PRKN: variants seen among roughly 807,000 people sequenced by gnomAD.
PRKN encodes the protein parkin RBR E3 ubiquitin protein ligase.
A neutral mutation model predicts 59.5 loss-of-function variants in PRKN; 56 were observed. The observed-to-expected ratio is 0.94, with a 90% confidence interval of 0.76 to 1.18. The LOEUF is 1.18. PRKN is among the 50% of genes most tolerant of loss of function. PRKN has a pLI of 0.00. For missense variants in PRKN, 657 were observed against 596.4 expected (o/e 1.10, Z -1.06); for synonymous variants, 250 against 222.1 (o/e 1.13, Z -1.12).
At chr6:162,265,965 G>A (rs1780112482) in intron 2 of PRKN, among the ~76,000 whole-genome samples, 1 of 152,166 alleles carries the variant, frequency 6.6e-6, no homozygotes, top group South Asian at 2.1e-4. Flanking sequence ...TCCATGATCA[G>A]CTCCGTGTCA....
chr6:162,668,495 G>A (rs976109515), intron 1 of PRKN, among the ~76,000 whole-genome samples: 1 of 151,740 alleles, frequency 6.6e-6, no homozygotes, highest in South Asian at 2.1e-4. Context: ...GCCAGAGACG[G>A]GGAAAAACTG....
At chr6:162,691,029 T>C (rs1257565411) in intron 1 of PRKN, among the ~76,000 whole-genome samples, 2 of 152,160 alleles carry the variant, frequency 1.3e-5, no homozygotes, top group Non-Finnish European at 2.9e-5. Flanking sequence ...AATGTTGCAA[T>C]TTTTTATCTG....
At chr6:161,733,796 A>ATG (rs1554298496) in intron 7 of PRKN, among the ~76,000 whole-genome samples, 1 of 77,186 alleles carries the variant, frequency 1.3e-5, no homozygotes, top group East Asian at 4.5e-4. Flanking sequence ...ATATATATAT[A>ATG]TGTATATATA....
intron 3 of PRKN, among the ~76,000 whole-genome samples, chr6:162,250,800 A>G (rs758365817): frequency 3.3e-5 from 5 of 152,222 alleles, no homozygotes; most frequent in Admixed American, 6.5e-5. Flanking sequence ...GAATTCTTAC[A>G]GGAAAAGCTA....
At chr6:161,426,637 T>C (rs561483495) in intron 9 of PRKN, among the ~76,000 whole-genome samples, 13 of 42,224 alleles carry the variant, frequency 3.1e-4, no homozygotes, top group African/African-American at 1.3e-3. Flanking sequence ...CTTAATAAAC[T>C]CCCCTTTACA....
chr6:162,261,231 C>T (rs967738165), intron 3 of PRKN, among the ~76,000 whole-genome samples: 2 of 152,112 alleles, frequency 1.3e-5, no homozygotes, highest in African/African-American at 2.4e-5. Context: ...ATGGAGACTT[C>T]CTTGGTAGAT....
At chr6:161,748,582 G>A (rs1024767734) in intron 7 of PRKN, among the ~76,000 whole-genome samples, 1 of 152,096 alleles carries the variant, frequency 6.6e-6, no homozygotes, top group Admixed American at 6.5e-5. Flanking sequence ...ATGGAAATGG[G>A]GTTCCTGGAA....
chr6:161,766,401 G>A (rs764307331), intron 7 of PRKN, among the ~76,000 whole-genome samples: 8 of 149,646 alleles, frequency 5.3e-5, no homozygotes, highest in Admixed American at 1.3e-4. Flanking sequence ...TCCACCTCCC[G>A]GGTTCAAGTA....
intron 2 of PRKN, among the ~76,000 whole-genome samples, chr6:162,360,420 T>C (rs1305103761): frequency 6.6e-6 from 1 of 152,160 alleles, no homozygotes; most frequent in East Asian, 1.9e-4. Context: ...CTAAACAAAT[T>C]AATGGATTTT....
intron 9 of PRKN, among the ~76,000 whole-genome samples, chr6:161,505,908 A>T (rs937805316): frequency 2.0e-5 from 3 of 151,280 alleles, no homozygotes; most frequent in Non-Finnish European, 4.4e-5. Flanking sequence ...TACCAGTACC[A>T]TGCTGTTTTG....
At chr6:162,473,773 C>CA (rs1254976753) in intron 1 of PRKN, among the ~76,000 whole-genome samples, 1 of 152,038 alleles carries the variant, frequency 6.6e-6, no homozygotes. Flanking sequence ...ATTCTAGAAC[C>CA]AAGCTGAAAA....
intron 6 of PRKN, among the ~76,000 whole-genome samples, chr6:161,806,217 A>G (rs1396699193): frequency 6.6e-6 from 1 of 152,194 alleles, no homozygotes. Context: ...AGCGACAGCT[A>G]GACACCAAAG....
intron 9 of PRKN, among the ~76,000 whole-genome samples, chr6:161,427,820 T>C (rs1788454299): frequency 6.6e-6 from 1 of 152,188 alleles, no homozygotes; most frequent in South Asian, 2.1e-4. Context: ...CACGTTTCAC[T>C]TGCAATCTGC....
chr6:161,501,590 T>C (rs1583159932), intron 9 of PRKN, among the ~76,000 whole-genome samples: 1 of 152,130 alleles, frequency 6.6e-6, no homozygotes. Flanking sequence ...TAATGGTTGG[T>C]CTGTTTCCAG....
chr6:162,367,174 G>A (rs537234730), intron 2 of PRKN, among the ~76,000 whole-genome samples: 22 of 152,156 alleles, frequency 1.4e-4, no homozygotes, highest in Admixed American at 2.0e-4. Flanking sequence ...CCTTTTGCTC[G>A]GCAGTTCTCC....
chr6:162,240,847 CT>C (rs1778957548), intron 3 of PRKN, among the ~76,000 whole-genome samples: 1 of 152,128 alleles, frequency 6.6e-6, no homozygotes, highest in South Asian at 2.1e-4. Context: ...TTGGAGGCCT[CT>C]TTTTCATATA....
At chr6:162,166,937 C>T (rs1353252125) in intron 4 of PRKN, among the ~76,000 whole-genome samples, 3 of 152,146 alleles carry the variant, frequency 2.0e-5, no homozygotes, top group Non-Finnish European at 4.4e-5. Flanking sequence ...TCTGACTTTC[C>T]CAACTCCTCA....
intron 7 of PRKN, among the ~76,000 whole-genome samples, chr6:161,629,068 C>T (rs773257344): frequency 1.3e-5 from 2 of 152,136 alleles, no homozygotes; most frequent in Admixed American, 6.5e-5. Context: ...AAACCAGCAC[C>T]GAGGAATGGC....
intron 11 of PRKN, among the ~76,000 whole-genome samples, chr6:161,351,174 T>A (rs1004154972): frequency 1.5e-5 from 2 of 136,526 alleles, no homozygotes; most frequent in African/African-American, 5.5e-5. Flanking sequence ...TATATTTAAA[T>A]ATATTGATAA....
Sources: gnomAD v4.1 joint callset for allele counts (sites outside exome capture counted in the v4.1 genomes callset) on GRCh38, gnomAD v4.1.1 for gene constraint, MANE v1.5 for transcripts, NCBI Gene and HGNC (gene_info 2026-07-23, HGNC 2026-07-21) for gene names.